TIMELESS: variants seen among roughly 807,000 people sequenced by gnomAD.
The protein encoded by TIMELESS is protein timeless homolog.
TIMELESS carries 124 observed loss-of-function variants against 164.3 expected under a neutral mutation model. That is an observed-to-expected ratio of 0.75 (90% CI 0.65 to 0.88). The LOEUF (loss-of-function observed/expected upper bound fraction) is 0.88. Among genes scored for constraint, TIMELESS ranks in the 40% least tolerant of loss-of-function variants. The pLI is 0.00. For synonymous variants in TIMELESS, 564 were observed against 563.4 expected (o/e 1.00, Z -0.02); for missense variants, 1,422 against 1,491.4 (o/e 0.95, Z 0.77).
rs201923516 is a variant in TIMELESS at position 56,433,799 on chromosome 12, G to C, written c.225C>G (p.Asp75Glu). The C allele has an allele frequency of 3.7e-6, 6 of 1,608,548 alleles. No homozygotes were observed. Among genetic ancestry groups the C allele is most frequent in the Admixed American group, 1.7e-5 (1 of 58,740 alleles). Residue 75 changes from aspartate (D) to glutamate (E), a missense_variant, in exon 3 of 29, where the codon GAC becomes GAG. Transcript: ENST00000553532. ...TGATAACAGCATCAAAGAGAGGCTT[G>C]TCCTGGTGGTGCTGGGTGAGGATGG... The part of the protein sequence containing the change: ...LLPILTQHHQ[D>E]KPLFDAVIRL...
intron 1 of TIMELESS, among the ~76,000 whole-genome samples, chr12:56,447,642 T>A (rs1868382677): frequency 2.0e-5 from 3 of 152,156 alleles, no homozygotes; most frequent in African/African-American, 4.8e-5. Flanking sequence ...ATCCTACTCA[T>A]CTCTGTAAGC....
Position 56,425,081 on chromosome 12 carries a change from T to C in TIMELESS, c.1650A>G (p.Pro550=), listed in dbSNP as rs186279175. The C allele has an allele frequency of 1.2e-6, 2 of 1,614,102 alleles. No individual in the cohort carries two copies. Among genetic ancestry groups the C allele is most frequent in the Admixed American group, 1.7e-5 (1 of 60,012 alleles). ...CAGCCTCCACTTCTTCTGGGCTAGA[T>C]GGGACATTACCAGAAACAATGGCCT... The part of the protein sequence containing the change: ...LDQAIVSGNV[P]SSPEEVEAVW... The change falls in exon 14 of 29, where the codon CCA becomes CCG. Residue 550 remains proline, a synonymous_variant. Transcript: ENST00000553532.
At position 56,417,383 on chromosome 12, in the gene TIMELESS, T is replaced by G; in HGVS notation, c.*333A>C. ...AGAGAAAGCCAAAGGAACAGACCAATAAAAGGGGTCCGGGGTGCTTTCTCT... is the reference window on the plus strand; with the variant it reads ...AGAGAAAGCCAAAGGAACAGACCAAGAAAAGGGGTCCGGGGTGCTTTCTCT... On this transcript the variant is annotated 3_prime_UTR_variant, in exon 29 of 29. Transcript: ENST00000553532. The G allele has an allele frequency of 4.1e-6, 1 of 241,450 alleles. No homozygotes were observed. Among genetic ancestry groups the G allele is most frequent in the Non-Finnish European group, 8.1e-6 (1 of 123,666 alleles). 15.0% of individuals were successfully genotyped at this position (241,450 alleles called of 1,614,324 possible). A position where few individuals can be genotyped will look rare whatever the true frequency, so the allele number is the denominator to read the frequency against.
In TIMELESS at chr12:56,432,455, G is replaced by A. The variant is rs1199683958; in HGVS notation, c.601C>T (p.Leu201=). 3 of 1,614,218 alleles carry A rather than the reference G, an allele frequency of 1.9e-6. No homozygotes were observed. The South Asian group carries it at 3.3e-5, about 18-fold the overall frequency. Residue 201 remains leucine (L), a synonymous_variant, in exon 7 of 29, where the codon CTG becomes TTG. Transcript: ENST00000553532. The part of the protein sequence containing the change: ...WAIHLSGLDD[L]LLFLASSSAE... Reference sequence around the variant, plus strand: ...GACGAGCTGGCCAGAAAGAGGAGCAGGTCATCCAGGCCGCTGAGGTGAATC... The same window carrying A: ...GACGAGCTGGCCAGAAAGAGGAGCAAGTCATCCAGGCCGCTGAGGTGAATC...
At position 56,434,249 on chromosome 12, in the gene TIMELESS, G is replaced by C. The variant is rs1881998897; in HGVS notation, c.-61-18C>G. 8 of 1,185,494 alleles carry C rather than the reference G, an allele frequency of 6.7e-6. No individual in the cohort carries two copies. Among genetic ancestry groups the C allele is most frequent in the Non-Finnish European group, 1.0e-5 (8 of 798,704 alleles). The allele number at this position is 1,185,494 out of a possible 1,614,324, so 73.4% of individuals were successfully genotyped here. A position where few individuals can be genotyped will look rare whatever the true frequency, so the allele number is the denominator to read the frequency against. ...GATGAGGCCTGGAGAAATAGAGAAA[G>C]ATAAAAAATGTAAGTTCCTCTCCAT... On this transcript the variant is annotated intron_variant, in intron 1 of 28. Transcript: ENST00000553532.
chr12:56,425,591 A>C (rs1881650855), intron 13 of TIMELESS, among the ~76,000 whole-genome samples: 1 of 152,138 alleles, frequency 6.6e-6, no homozygotes, highest in Admixed American at 6.6e-5. Context: ...GAAAAGTAGG[A>C]CAGCCAGGCG....
At position 56,417,310 on chromosome 12, in the gene TIMELESS, G is replaced by A. The variant is rs185672752; in HGVS notation, c.*406C>T. The A allele has an allele frequency of 1.2e-4, 23 of 187,700 alleles. No homozygotes were observed. In the East Asian group the frequency reaches 1.8e-3, roughly 15 times the overall value. The allele number at this position is 187,700 out of a possible 1,614,324, so 11.6% of individuals were successfully genotyped here. On this transcript the variant is annotated 3_prime_UTR_variant, in exon 29 of 29. Transcript: ENST00000553532. ...CTTCTAAAAGTGGTACAAAACTCCC[G>A]CCTGTCATGTCATAAAGCTCCCCAT...
At chr12:56,421,544 G>A in intron 22 of TIMELESS, 51 bp from the exon 23 acceptor site, 1 of 1,580,910 alleles carries the variant, frequency 6.3e-7, no homozygotes, top group Non-Finnish European at 8.6e-7. Flanking sequence ...AAAGAGATGA[G>A]TAAAATAAAT....
Position 56,433,570 on chromosome 12 carries a change from G to A in TIMELESS, c.334C>T (p.Gln112Ter). The change falls in exon 4 of 29, where the codon CAG becomes TAG. Residue 112 changes from glutamine to a stop codon, truncating the protein, a stop_gained. Coordinates refer to ENST00000553532, the MANE Select transcript of TIMELESS (RefSeq NM_003920.5). LOFTEE classifies it high-confidence loss of function. ...KEPSFRHHFL[Q>*]VLTYLQAYKE... The stretch of plus-strand genomic sequence containing the variant: ...TAGGCCTGCAAATAAGTTAGCACCT[G>A]CAAAAAATGGTGCCGAAAGCTGGGC... 2 of 1,614,208 alleles carry A rather than the reference G, an allele frequency of 1.2e-6. No individual in the cohort carries two copies. The highest frequency in any genetic ancestry group is 1.7e-6 in the Non-Finnish European group (2 of 1,180,028).
At chr12:56,431,370 AAAC>A in intron 8 of TIMELESS, 98 bp downstream of exon 8, 1 of 1,326,940 alleles carries the variant, frequency 7.5e-7, no homozygotes. Flanking sequence ...AAAAAAAAAA[AAAC>A]ACTAAAATGT....
chr12:56,437,735 C>A (rs1882118146), intron 1 of TIMELESS, among the ~76,000 whole-genome samples: 2 of 152,272 alleles, frequency 1.3e-5, no homozygotes, highest in South Asian at 4.1e-4. Flanking sequence ...CAAGGGGCAG[C>A]TCTTCAGGGC....
chr12:56,421,638 A>C lies in TIMELESS; in HGVS notation c.2725+89T>G, dbSNP rs72478998. ...GTAAGTGAACAGAAGGGATGGGAGAATCTTTCCTTGGGAATAAAAGGCAGC... is the reference window on the plus strand; with the variant it reads ...GTAAGTGAACAGAAGGGATGGGAGACTCTTTCCTTGGGAATAAAAGGCAGC... On this transcript the variant is annotated intron_variant, in intron 22 of 28. Transcript: ENST00000553532. 404 of 1,547,064 alleles carry C rather than the reference A, an allele frequency of 2.6e-4. 1 individual carries two copies. The African/African-American group carries it at 5.1e-3, about 20-fold the overall frequency.
chr12:56,440,953 G>T (rs1326217754), intron 1 of TIMELESS, among the ~76,000 whole-genome samples: 1 of 151,732 alleles, frequency 6.6e-6, no homozygotes, highest in Non-Finnish European at 1.5e-5. Flanking sequence ...AAGTAGCTGG[G>T]ATTACAGGCC....
intron 1 of TIMELESS, among the ~76,000 whole-genome samples, chr12:56,449,038 G>A (rs548592998): frequency 6.6e-6 from 1 of 152,316 alleles, no homozygotes; most frequent in East Asian, 1.9e-4. Context: ...GGAATTCCAA[G>A]CCCCTTTCCA....
At chr12:56,423,036 C>A in intron 18 of TIMELESS, 44 bp from the exon 19 acceptor site, 2 of 1,587,506 alleles carry the variant, frequency 1.3e-6, no homozygotes, top group South Asian at 1.1e-5. Context: ...TGGTCCAATG[C>A]AGACCCGAAC....
At chr12:56,423,016 GA>G in intron 18 of TIMELESS, 24 bp from the exon 19 acceptor site, 1 of 1,609,614 alleles carries the variant, frequency 6.2e-7, no homozygotes, top group Non-Finnish European at 8.5e-7. Flanking sequence ...AGGTTACTAT[GA>G]GGCCTCTCTG....
rs924180983 is a variant in TIMELESS at position 56,420,499 on chromosome 12, G to A, written c.3228+70C>T. Reference sequence around the variant, plus strand: ...ATAAGGAGGACCACCATGACAGTGAGGAGGAGGAGGAGATGTATTTGGAAA... The same window carrying A: ...ATAAGGAGGACCACCATGACAGTGAAGAGGAGGAGGAGATGTATTTGGAAA... On this transcript the variant is annotated intron_variant, in intron 26 of 28. Transcript: ENST00000553532. 5 of 1,083,946 alleles carry A rather than the reference G, an allele frequency of 4.6e-6. No homozygotes were observed. The African/African-American group carries it at 7.8e-5, about 17-fold the overall frequency. 67.1% of individuals were successfully genotyped at this position (1,083,946 alleles called of 1,614,324 possible). A position where few individuals can be genotyped will look rare whatever the true frequency, so the allele number is the denominator to read the frequency against.
At chr12:56,425,986 T>C (rs1364424370) in intron 13 of TIMELESS, among the ~76,000 whole-genome samples, 1 of 152,158 alleles carries the variant, frequency 6.6e-6, no homozygotes, top group Non-Finnish European at 1.5e-5. Flanking sequence ...TTGGTGTGGG[T>C]ACTGAAAAGT....
At position 56,429,031 on chromosome 12, in the gene TIMELESS, T is replaced by A; in HGVS notation, c.1156A>T (p.Met386Leu). 1.2e-6 allele frequency: 2 copies of A among 1,614,056 alleles called. No homozygotes were observed. The highest frequency in any genetic ancestry group is 1.7e-6 in the Non-Finnish European group (2 of 1,180,006). The part of the protein sequence containing the change: ...TYYMWALAFF[M>L]AFNRAASFRP... ...AAGGAGGCAGCTCGGTTGAAGGCCATGAAGAAAGCCAAGGCCCACATATAA... is the reference window on the plus strand; with the variant it reads ...AAGGAGGCAGCTCGGTTGAAGGCCAAGAAGAAAGCCAAGGCCCACATATAA... Residue 386 changes from methionine to leucine, a missense_variant, in exon 11 of 29, where the codon ATG (methionine) becomes TTG (leucine). Physicochemically the swap from Met to Leu is conservative, Grantham distance 15. Transcript: ENST00000553532.
Sources: allele counts gnomAD v4.1 joint callset (sites outside exome capture counted in the v4.1 genomes callset), GRCh38; gene constraint gnomAD v4.1.1; transcripts MANE v1.5; gene names NCBI Gene and HGNC (gene_info 2026-07-23, HGNC 2026-07-21).